The following ITPR1 variants were observed in gnomAD, a reference collection of about 807,000 sequenced individuals.
ITPR1 encodes inositol 1,4,5-trisphosphate-gated calcium channel ITPR1.
In ITPR1, 96 loss-of-function variants were observed where a neutral mutation model predicts 318.4. The ratio of observed to expected loss-of-function variants is 0.30; its 90% CI spans 0.26 to 0.36. ITPR1 has a LOEUF of 0.36. Among genes scored for constraint, ITPR1 ranks in the 10% least tolerant of loss-of-function variants. The probability of loss-of-function intolerance (pLI) is 1.00; values close to 1 mark genes in which losing one functional copy is unlikely to be tolerated. For synonymous variants in ITPR1, 1,312 were observed against 1,289.9 expected (o/e 1.02, Z -0.37); for missense variants, 2,440 against 3,460.2 (o/e 0.71, Z 7.40).
intron 4 of ITPR1, among the ~76,000 whole-genome samples, chr3:4,557,214 A>T (rs2086216566): frequency 6.6e-6 from 1 of 152,240 alleles, no homozygotes; most frequent in Non-Finnish European, 1.5e-5. Flanking sequence ...GGGAGGCTTC[A>T]CAATCATGGC....
chr3:4,594,705 C>T (rs1341161834), intron 4 of ITPR1, among the ~76,000 whole-genome samples: 1 of 152,166 alleles, frequency 6.6e-6, no homozygotes, highest in Non-Finnish European at 1.5e-5. Context: ...CAGCCCTCCA[C>T]CTCCCACCCC....
At chr3:4,768,808 C>T (rs1434188531) in intron 46 of ITPR1, 44 bp downstream of exon 46, 3 of 1,561,128 alleles carry the variant, frequency 1.9e-6, no homozygotes, top group East Asian at 4.5e-5. Context: ...TCGGGAAAGG[C>T]TGCCAAGGCC....
chr3:4,654,919 C>A lies in ITPR1; in HGVS notation c.996+1033C>A, dbSNP rs371671919. ...TGGATTTGCTGGGGAGCCTCTCCTC[C>A]CTTTTGTGCTCCTTACTGGGGTACC... On this transcript the variant is annotated intron_variant, in intron 12 of 61. Transcript: ENST00000649015. Among the ~76,000 whole-genome samples, 15 of 152,248 alleles carry A rather than the reference C, an allele frequency of 9.9e-5. No individual in the cohort carries two copies. The South Asian group carries it at 2.5e-3, about 25-fold the overall frequency.
At chr3:4,734,754 A>T (rs905422340) in intron 43 of ITPR1, among the ~76,000 whole-genome samples, 1 of 152,254 alleles carries the variant, frequency 6.6e-6, no homozygotes, top group Non-Finnish European at 1.5e-5. Flanking sequence ...AAGGAGAGCT[A>T]AAGTGATCAT....
At chr3:4,790,876 G>A (rs1205281480) in intron 52 of ITPR1, among the ~76,000 whole-genome samples, 1 of 152,174 alleles carries the variant, frequency 6.6e-6, no homozygotes. Context: ...AGTCTTCTGT[G>A]CACTCACATC....
chr3:4,830,188 T>C (rs2050381720), intron 60 of ITPR1, among the ~76,000 whole-genome samples: 2 of 151,690 alleles, frequency 1.3e-5, no homozygotes, highest in Non-Finnish European at 2.9e-5. Flanking sequence ...GTTGGCCGGG[T>C]TGGTCTCGAA....
chr3:4,498,228 A>G (rs183860749), intron 2 of ITPR1, among the ~76,000 whole-genome samples: 4 of 152,358 alleles, frequency 2.6e-5, no homozygotes, highest in South Asian at 4.1e-4. Flanking sequence ...TTAAAAAGCA[A>G]CAAAACATGA....
At chr3:4,543,175 TG>T (rs1017951811) in intron 4 of ITPR1, among the ~76,000 whole-genome samples, 47 of 150,964 alleles carry the variant, frequency 3.1e-4, no homozygotes, top group African/African-American at 9.0e-4. Flanking sequence ...CAGGCTTAGG[TG>T]GGAGGATTGC....
chr3:4,836,194 C>T (rs62231646), intron 60 of ITPR1, among the ~76,000 whole-genome samples: 2 of 152,100 alleles, frequency 1.3e-5, no homozygotes, highest in Admixed American at 6.5e-5. Flanking sequence ...TAATATGAGG[C>T]CCCTGGAGCA....
At chr3:4,533,971 C>A (rs1220270217) in intron 4 of ITPR1, among the ~76,000 whole-genome samples, 1 of 152,222 alleles carries the variant, frequency 6.6e-6, no homozygotes, top group Non-Finnish European at 1.5e-5. Flanking sequence ...CCAATCTGCT[C>A]TTTCCCAAAA....
Position 4,775,313 on chromosome 3 carries a change from T to C in ITPR1, c.6051T>C (p.Cys2017=), listed in dbSNP as rs1368482964. Residue 2017 remains cysteine (C), a synonymous_variant, in exon 47 of 62, where the codon TGT becomes TGC. Transcript: ENST00000649015. The stretch of plus-strand genomic sequence containing the variant: ...GTGAGACCCTGCAGTTTCTGGACTG[T>C]ATTTGTGGAAGCACAACTGGAGGCC... ...LVCETLQFLD[C]ICGSTTGGLG... The C allele has an allele frequency of 1.2e-6, 2 of 1,614,034 alleles. No individual in the cohort carries two copies. Among genetic ancestry groups the C allele is most frequent in the South Asian group, 1.1e-5 (1 of 91,078 alleles).
rs755818916 is a variant in ITPR1 at position 4,665,127 on chromosome 3, T to C, written c.1555-11T>C. 1.4e-5 allele frequency: 22 copies of C among 1,613,998 alleles called. No homozygotes were observed. The highest frequency in any genetic ancestry group is 1.7e-5 in the Non-Finnish European group (20 of 1,179,856). ...GTGATTGCCATTTTTGCTTTTCATT[T>C]TCACAAACAGATCTTCAAGTTGTTA... On this transcript the variant is annotated splice_polypyrimidine_tract_variant and intron_variant, in intron 16 of 61. Coordinates refer to ENST00000649015, the MANE Select transcript of ITPR1 (RefSeq NM_001378452.1).
At chr3:4,836,978 C>T (rs780814988) in intron 61 of ITPR1, 43 bp downstream of exon 61, 80 of 1,451,600 alleles carry the variant, frequency 5.5e-5, no homozygotes, top group Non-Finnish European at 6.9e-5. Context: ...CATCACTATC[C>T]CCACCCACAC....
intron 51 of ITPR1, among the ~76,000 whole-genome samples, chr3:4,785,998 CA>C (rs1019818563): frequency 1.3e-5 from 2 of 152,204 alleles, no homozygotes; most frequent in African/African-American, 4.8e-5. Flanking sequence ...GCTTTCCATG[CA>C]GACCCAATGT....
At chr3:4,520,732 T>C (rs2082499018) in intron 3 of ITPR1, among the ~76,000 whole-genome samples, 1 of 152,210 alleles carries the variant, frequency 6.6e-6, no homozygotes, top group Non-Finnish European at 1.5e-5. Flanking sequence ...TTGCTGTGTC[T>C]CGCGACTTCA....
intron 20 of ITPR1, among the ~76,000 whole-genome samples, chr3:4,672,107 A>T (rs764594393): frequency 6.6e-6 from 1 of 152,194 alleles, no homozygotes; most frequent in Non-Finnish European, 1.5e-5. Context: ...CACATGCTGC[A>T]GTTCTTCATG....
chr3:4,609,716 G>A (rs189129800), intron 4 of ITPR1, among the ~76,000 whole-genome samples: 93 of 152,164 alleles, frequency 6.1e-4, no homozygotes, highest in African/African-American at 1.9e-3. Flanking sequence ...ACATGTGGTC[G>A]GGGCTGGTTG....
intron 4 of ITPR1, among the ~76,000 whole-genome samples, chr3:4,530,253 A>G (rs1476447320): frequency 6.6e-6 from 1 of 152,188 alleles, no homozygotes; most frequent in Non-Finnish European, 1.5e-5. Context: ...GGAGCACTCA[A>G]AGGGACCAAA....
At position 4,670,764 on chromosome 3, in the gene ITPR1, C is replaced by T. The variant is rs1330111073; in HGVS notation, c.2042C>T (p.Ser681Phe). The T allele has an allele frequency of 1.9e-6, 3 of 1,603,338 alleles. No homozygotes were observed. Among genetic ancestry groups the T allele is most frequent in the South Asian group, 2.2e-5 (2 of 89,046 alleles). The change falls in exon 20 of 62, where the codon TCT becomes TTT. Residue 681 changes from serine (S) to phenylalanine (F), a missense_variant. By Grantham distance (155) the Ser-to-Phe change is radical. Transcript: ENST00000649015. ...VLSRFEFEGV[S>F]STGENALEAG... ...TCTCGTTTTGAATTTGAAGGTGTCT[C>T]TTCCACTGGAGAGAATGCTCTGGAG...
Sources: allele counts gnomAD v4.1 joint callset (sites outside exome capture counted in the v4.1 genomes callset), GRCh38; gene constraint gnomAD v4.1.1; transcripts MANE v1.5; gene names NCBI Gene and HGNC (gene_info 2026-07-23, HGNC 2026-07-21).